The following DOCK4 variants were observed in gnomAD, a reference collection of about 807,000 sequenced individuals.
DOCK4 encodes the protein dedicator of cytokinesis 4, also known as dedicator of cytokinesis protein 4.
In DOCK4, 97 loss-of-function variants were observed where a neutral mutation model predicts 268.1. The ratio of observed to expected loss-of-function variants is 0.36; its 90% CI spans 0.31 to 0.43. The LOEUF (loss-of-function observed/expected upper bound fraction) is 0.43. Among genes scored for constraint, DOCK4 ranks in the 20% least tolerant of loss-of-function variants. The pLI, the probability that DOCK4 is intolerant of heterozygous loss-of-function variation, is 1.00. For synonymous variants in DOCK4, 954 were observed against 887.2 expected, an observed-to-expected ratio of 1.08 and a Z score of -1.34; for missense variants, 2,145 against 2,455.7, an observed-to-expected ratio of 0.87 and a Z score of 2.67.
chr7:111,872,853 G>C (rs550995843), intron 17 of DOCK4, among the ~76,000 whole-genome samples: 1 of 152,282 alleles, frequency 6.6e-6, no homozygotes, highest in African/African-American at 2.4e-5. Context: ...CGAGCTAACT[G>C]TCCCTTCTAC....
intron 8 of DOCK4, among the ~76,000 whole-genome samples, chr7:111,962,703 G>T (rs1157715265): frequency 2.0e-5 from 3 of 152,062 alleles, no homozygotes; most frequent in African/African-American, 7.2e-5. Flanking sequence ...TGATAGAATG[G>T]AATGATATAT....
intron 1 of DOCK4, among the ~76,000 whole-genome samples, chr7:112,144,963 T>G (rs1363306675): frequency 6.6e-6 from 1 of 152,156 alleles, no homozygotes; most frequent in Non-Finnish European, 1.5e-5. Flanking sequence ...ACACTCTTGC[T>G]TGTTAGAATT....
intron 31 of DOCK4, chr7:111,789,112 A>G (rs1417874780): frequency 4.0e-6 from 1 of 248,712 alleles, no homozygotes; most frequent in East Asian, 8.5e-5. Flanking sequence ...ATATAAGGAC[A>G]TCAGGAAACT....
intron 26 of DOCK4, among the ~76,000 whole-genome samples, chr7:111,824,507 C>T (rs1802248226): frequency 6.6e-6 from 1 of 151,954 alleles, no homozygotes; most frequent in Non-Finnish European, 1.5e-5. Context: ...ATCTTCTCGC[C>T]TCAAAAGTTG....
At chr7:112,094,903 GC>G (rs1286671217) in intron 1 of DOCK4, among the ~76,000 whole-genome samples, 1 of 152,046 alleles carries the variant, frequency 6.6e-6, no homozygotes, top group Non-Finnish European at 1.5e-5. Context: ...TTCGTCTTTT[GC>G]CATGATTGGA....
Position 111,727,304 on chromosome 7 carries a change from C to CTT in DOCK4, c.*968_*969dup, listed in dbSNP as rs1794708991. 1 of 152,544 alleles carries CTT rather than the reference C, an allele frequency of 6.6e-6. No individual in the cohort carries two copies. The highest frequency in any genetic ancestry group is 1.5e-5 in the Non-Finnish European group (1 of 68,020). The allele number at this position is 152,544 out of a possible 1,614,324, so 9.4% of individuals were successfully genotyped here. ...TTGTGCAGGACTGAAAGTTAATGCC[C>CTT]TTGCCTTTTATAAGTCCTTTTGCCA... On this transcript the variant is annotated 3_prime_UTR_variant, in exon 53 of 53. Transcript: ENST00000428084.
chr7:111,944,232 A>G (rs558232103), intron 10 of DOCK4, among the ~76,000 whole-genome samples: 1 of 152,332 alleles, frequency 6.6e-6, no homozygotes, highest in Non-Finnish European at 1.5e-5. Flanking sequence ...TAGTCAGATC[A>G]AATTTGAGGA....
In DOCK4 at chr7:111,876,348, G is replaced by A. The variant is rs1220671037; in HGVS notation, c.1744+682C>T. ...AATGCTGTTCTCTGACACAGAAGAA[G>A]GAACTAAGAAAGAACGAATAACAAG... On this transcript the variant is annotated intron_variant, in intron 17 of 52. Coordinates refer to ENST00000428084, the MANE Select transcript of DOCK4 (RefSeq NM_001363540.2). Among the ~76,000 whole-genome samples the A allele has an allele frequency of 2.0e-5, 3 of 152,052 alleles. No individual in the cohort carries two copies. The East Asian group carries it at 5.8e-4, about 29-fold the overall frequency.
At chr7:112,101,274 T>C (rs1365283479) in intron 1 of DOCK4, among the ~76,000 whole-genome samples, 1 of 152,248 alleles carries the variant, frequency 6.6e-6, no homozygotes, top group Non-Finnish European at 1.5e-5. Context: ...ATATTTCACA[T>C]GCTAGTTAAG....
intron 32 of DOCK4, among the ~76,000 whole-genome samples, chr7:111,786,396 G>T (rs1799169253): frequency 6.6e-6 from 1 of 152,140 alleles, no homozygotes; most frequent in Admixed American, 6.5e-5. Flanking sequence ...GCAGAATTTA[G>T]TTGTGATACT....
intron 22 of DOCK4, among the ~76,000 whole-genome samples, chr7:111,867,034 A>G (rs1806029345): frequency 6.6e-6 from 1 of 152,212 alleles, no homozygotes; most frequent in African/African-American, 2.4e-5. Flanking sequence ...ATGACATTTA[A>G]AAGAGCCTGA....
In DOCK4 at chr7:111,794,063, G is replaced by GT. The variant is rs557740234; in HGVS notation, c.3167-3459_3167-3458insA. Among the ~76,000 whole-genome samples the GT allele has an allele frequency of 6.0e-4, 92 of 152,256 alleles. 1 individual carries two copies. The highest frequency in any genetic ancestry group is 6.8e-3 in the Middle Eastern group (2 of 294). On this transcript the variant is annotated intron_variant, in intron 30 of 52. Transcript: ENST00000428084. ...TAAAAATAACTGGGAGAGTGTGGAAGATGGGCTGTAGTGGGGACACAGATG... is the reference window on the plus strand; with the variant it reads ...TAAAAATAACTGGGAGAGTGTGGAAGTATGGGCTGTAGTGGGGACACAGATG...
At position 111,741,214 on chromosome 7, in the gene DOCK4, G is replaced by T. The variant is rs768556785; in HGVS notation, c.4920C>A (p.Ser1640Arg). The change falls in exon 47 of 53, where the codon AGC becomes AGA. Residue 1640 changes from serine (S) to arginine (R), a missense_variant and splice_region_variant. This residue lies in a region of DOCK4 where 547 missense variants were observed against 469.0 expected (regional missense o/e 1.17). Transcript: ENST00000428084. ...PDGTRVIPRR[S>R]PLSYPAVNRY... ...GGTTGACAGCTGGGTAACTTAACGG[G>T]CTGTTTCAGGGGGAAAAAAAAGGTC... 1 of 1,613,760 alleles carries T rather than the reference G, an allele frequency of 6.2e-7. No homozygotes were observed. The highest frequency in any genetic ancestry group is 1.7e-5 in the Admixed American group (1 of 59,990).
At chr7:112,141,619 C>T (rs539961555) in intron 1 of DOCK4, among the ~76,000 whole-genome samples, 1 of 152,146 alleles carries the variant, frequency 6.6e-6, no homozygotes, top group East Asian at 1.9e-4. Flanking sequence ...CATAAAATCT[C>T]CTACAGGTTC....
chr7:112,004,798 T>C (rs983373791), intron 1 of DOCK4, among the ~76,000 whole-genome samples: 12 of 152,200 alleles, frequency 7.9e-5, no homozygotes, highest in Non-Finnish European at 1.0e-4. Context: ...ACAATACCAC[T>C]TGGAATGGGG....
At chr7:111,954,921 A>G (rs942482717) in intron 8 of DOCK4, among the ~76,000 whole-genome samples, 9 of 152,074 alleles carry the variant, frequency 5.9e-5, no homozygotes, top group African/African-American at 2.2e-4. Flanking sequence ...CCCAGGCCCC[A>G]CCCTGGAGAT....
intron 30 of DOCK4, among the ~76,000 whole-genome samples, chr7:111,800,648 G>A (rs1452317090): frequency 6.6e-6 from 1 of 152,094 alleles, no homozygotes; most frequent in Non-Finnish European, 1.5e-5. Flanking sequence ...TTCTAACTCT[G>A]TATTTTAAAC....
intron 20 of DOCK4, 78 bp from the exon 21 acceptor site, chr7:111,869,733 C>T (rs1806260659): frequency 2.5e-6 from 3 of 1,213,604 alleles, no homozygotes; most frequent in Non-Finnish European, 3.6e-6. Context: ...CAACTCTTAA[C>T]TATATCATGA....
intron 1 of DOCK4, among the ~76,000 whole-genome samples, chr7:112,015,578 CAGAA>C (rs1040647836): frequency 6.6e-6 from 1 of 151,884 alleles, no homozygotes; most frequent in Non-Finnish European, 1.5e-5. Context: ...TTTCTGGTAA[CAGAA>C]GGAAAGAAAA....
Sources: gnomAD v4.1 joint callset for allele counts (sites outside exome capture counted in the v4.1 genomes callset) on GRCh38, gnomAD v4.1.1 for gene constraint, gnomAD v4.1.1 regional missense constraint, MANE v1.5 for transcripts, NCBI Gene and HGNC (gene_info 2026-07-23, HGNC 2026-07-21) for gene names.